The following EIF4G1 variants were observed in gnomAD, a reference collection of about 807,000 sequenced individuals.
The protein encoded by EIF4G1 is EIF4-gamma.
Under a neutral mutation model 187.8 loss-of-function variants are expected in EIF4G1, and 4 were observed. The observed-to-expected ratio is 0.02, with a 90% CI of 0.01 to 0.05. EIF4G1 has a LOEUF of 0.05. Ranked by LOEUF, EIF4G1 falls within the 10% of genes least tolerant of loss-of-function variation. The pLI is 1.00. For missense variants in EIF4G1, 1,647 were observed against 2,081.1 expected (o/e 0.79, Z 4.06); for synonymous variants, 844 against 781.4 (o/e 1.08, Z -1.34).
Position 184,323,341 on chromosome 3 carries a change from G to A in EIF4G1, c.2089-67G>A. ...GAGGGGTTTGCCCTGGAGGCGTGTA[G>A]TAGTGGTGTCACATATTGTGCTGAC... On this transcript the variant is annotated intron_variant, in intron 14 of 32. Coordinates refer to ENST00000346169, the MANE Select transcript of EIF4G1 (RefSeq NM_198241.3). The surrounding 1 kb of genome is among the most constrained non-coding windows in gnomAD (Gnocchi z 6.9). The A allele has an allele frequency of 6.2e-7, 1 of 1,612,346 alleles. No individual in the cohort carries two copies. Among genetic ancestry groups the A allele is most frequent in the Non-Finnish European group, 8.5e-7 (1 of 1,178,822 alleles).
At chr3:184,318,664 G>T (rs1024025270) in intron 6 of EIF4G1, among the ~76,000 whole-genome samples, 2 of 152,136 alleles carry the variant, frequency 1.3e-5, no homozygotes, top group South Asian at 4.1e-4. Context: ...GAATGTAGTC[G>T]CACAGTCTTG....
chr3:184,328,191 G>A (rs1725323357), intron 26 of EIF4G1, 189 bp downstream of exon 26: 13 of 658,726 alleles, frequency 2.0e-5, no homozygotes, highest in South Asian at 1.8e-4. Context: ...GAGGTTGGGA[G>A]TTCTAGACCA....
In EIF4G1 at chr3:184,328,010, C is replaced by A; in HGVS notation, c.3953+8C>A. 6.2e-7 allele frequency: 1 copy of A among 1,603,736 alleles called. No individual in the cohort carries two copies. The highest frequency in any genetic ancestry group is 1.1e-5 in the South Asian group (1 of 91,054). On this transcript the variant is annotated splice_region_variant and intron_variant, in intron 26 of 32. Transcript: ENST00000346169. ...TGCTCAGTACTACCAAGGGTATGAC[C>A]AGCTTCTCTGGGCCTCCCACTTATA...
chr3:184,325,072 G>C lies in EIF4G1; in HGVS notation c.2814G>C (p.Leu938=). The C allele has an allele frequency of 3.1e-6, 5 of 1,614,186 alleles. No individual in the cohort carries two copies. Among genetic ancestry groups the C allele is most frequent in the Non-Finnish European group, 4.2e-6 (5 of 1,180,048 alleles). Residue 938 remains leucine (L), a synonymous_variant, in exon 18 of 33, where the codon CTG becomes CTC. Coordinates refer to ENST00000346169, the MANE Select transcript of EIF4G1 (RefSeq NM_198241.3). The surrounding 1 kb of genome is among the most constrained non-coding windows in gnomAD (Gnocchi z 5.2). ...DEESLECLCR[L]LTTIGKDLDF... is the part of the protein sequence containing the mutation. Reference sequence around the variant, plus strand: ...AGTCCCTTGAGTGCCTTTGTCGTCTGCTCACCACCATTGGCAAAGACCTGG... The same window carrying C: ...AGTCCCTTGAGTGCCTTTGTCGTCTCCTCACCACCATTGGCAAAGACCTGG...
chr3:184,316,014 A>AG (rs1722713313), intron 3 of EIF4G1, 118 bp from the exon 4 acceptor site: 2 of 1,539,202 alleles, frequency 1.3e-6, no homozygotes, highest in East Asian at 4.9e-5. Flanking sequence ...TGTCACGGGG[A>AG]GGGGGTATGT....
chr3:184,319,441 G>T (rs1377541473), intron 6 of EIF4G1, among the ~76,000 whole-genome samples: 2 of 64,862 alleles, frequency 3.1e-5, no homozygotes, highest in Non-Finnish European at 5.7e-5. Context: ...GTGTGTGTGT[G>T]TGTGTGTGTG....
At chr3:184,320,338 G>T (rs570556024) in intron 7 of EIF4G1, 353 of 1,336,218 alleles carry the variant, frequency 2.6e-4, no homozygotes, top group Admixed American at 8.1e-4. Flanking sequence ...TGGGCCCCAG[G>T]GTGTGCAGCC....
chr3:184,321,063 G>T, intron 9 of EIF4G1, 70 bp downstream of exon 9: 17 of 1,571,858 alleles, frequency 1.1e-5, no homozygotes, highest in Non-Finnish European at 1.4e-5. Context: ...TGAGGTGGTG[G>T]AGTGACTTGA....
chr3:184,320,412 C>T (rs1236010734), intron 7 of EIF4G1: 6 of 1,464,036 alleles, frequency 4.1e-6, no homozygotes, highest in Non-Finnish European at 5.4e-6. Context: ...ATGTACAGGG[C>T]TGCTCTGTGA....
rs1723988542 is a variant in EIF4G1 at position 184,322,090 on chromosome 3, A to C, written c.1506A>C (p.Ala502=). ...PANLSQNLEA[A]AATQVAVSVP... ...ACTTGTCTCAGAATTTGGAGGCAGC[A>C]GCAGCCACTCAAGGTAAGGTGTGGT... The change falls in exon 10 of 33, where the codon GCA becomes GCC. Residue 502 remains alanine, a synonymous_variant. Coordinates refer to ENST00000346169, the MANE Select transcript of EIF4G1 (RefSeq NM_198241.3). 1.2e-6 allele frequency: 2 copies of C among 1,613,952 alleles called. No individual in the cohort carries two copies. The highest frequency in any genetic ancestry group is 1.7e-6 in the Non-Finnish European group (2 of 1,180,042).
In EIF4G1 at chr3:184,321,941, CAGG is replaced by C. The variant is rs1174690742; in HGVS notation, c.1365_1367del (p.Glu456del). The stretch of plus-strand genomic sequence containing the variant: ...GGCTCCTTCAGCTACTTCCCCAGCT[CAGG>C]AGGAGGAAATGGAAGAAGAAGAAGA... On this transcript the variant is annotated inframe_deletion, in exon 10 of 33. Transcript: ENST00000346169. 4 of 1,613,910 alleles carry C rather than the reference CAGG, an allele frequency of 2.5e-6. No homozygotes were observed. Among genetic ancestry groups the C allele is most frequent in the Non-Finnish European group, 3.4e-6 (4 of 1,180,020 alleles).
At chr3:184,333,346 A>C (rs1022662914) in intron 32 of EIF4G1, among the ~76,000 whole-genome samples, 5 of 152,118 alleles carry the variant, frequency 3.3e-5, no homozygotes, top group African/African-American at 1.2e-4. Context: ...AAAAGAAGAG[A>C]TCAGGGCAGG....
intron 7 of EIF4G1, 65 bp from the exon 8 acceptor site, chr3:184,320,565 T>C (rs1189777367): frequency 3.7e-6 from 6 of 1,612,944 alleles, no homozygotes; most frequent in East Asian, 4.5e-5. Flanking sequence ...AGTCTTAAGA[T>C]TGGGGCAGGG....
Position 184,334,896 on chromosome 3 carries a change from T to C in EIF4G1, c.4788T>C (p.Ser1596=). The C allele has an allele frequency of 6.2e-7, 1 of 1,614,132 alleles. No individual in the cohort carries two copies. Among genetic ancestry groups the C allele is most frequent in the South Asian group, 1.1e-5 (1 of 91,076 alleles). The change falls in exon 33 of 33, where the codon TCT becomes TCC. Residue 1596 remains serine (S), a synonymous_variant. Coordinates refer to ENST00000346169, the MANE Select transcript of EIF4G1 (RefSeq NM_198241.3). This position sits in a 1 kb window ranked among gnomAD's most constrained non-coding sequence, Gnocchi z 5.8. ...FKWLREAEEE[S]DHN ...GGCTCCGTGAAGCAGAGGAGGAGTC[T>C]GACCACAACTGAGGGCTGGTGGGGC...
Position 184,321,426 on chromosome 3 carries a change from C to A in EIF4G1, c.842C>A (p.Ala281Glu), listed in dbSNP as rs757619292. The change falls in exon 10 of 33, where the codon GCA becomes GAA. Residue 281 changes from alanine (A) to glutamate (E), a missense_variant. By Grantham distance (107) the Ala-to-Glu change is moderately radical. Transcript: ENST00000346169. ...VLEPGSEPNL[A>E]VLSIPGDTMT... ...GAACCGGGGTCTGAGCCTAATCTCGCAGTCCTCTCTATTCCTGGGGACACT... is the reference window on the plus strand; with the variant it reads ...GAACCGGGGTCTGAGCCTAATCTCGAAGTCCTCTCTATTCCTGGGGACACT... The A allele has an allele frequency of 4.3e-6, 7 of 1,614,038 alleles. No homozygotes were observed. The South Asian group carries it at 7.7e-5, about 18-fold the overall frequency.
rs1381532377 is a variant in EIF4G1, at chr3:184,323,378, C to A, written c.2089-30C>A. On this transcript the variant is annotated intron_variant, in intron 14 of 32. Transcript: ENST00000346169. This position sits in a 1 kb window ranked among gnomAD's most constrained non-coding sequence, Gnocchi z 6.9. ...CATATTGTGCTGACTAGTTCCATGT[C>A]CCCTCTTGTCTTCATCCCTTGCTTA... 3.7e-6 allele frequency: 6 copies of A among 1,613,928 alleles called. No homozygotes were observed. Among genetic ancestry groups the A allele is most frequent in the South Asian group, 3.3e-5 (3 of 91,064 alleles).
chr3:184,325,740 A>C lies in EIF4G1; in HGVS notation c.3121+101A>C. Reference sequence around the variant, plus strand: ...TTAGTGCCACGTGTCTGGGCCACTGAGACACCATGATGGAACTGAGGATCT... The same window carrying C: ...TTAGTGCCACGTGTCTGGGCCACTGCGACACCATGATGGAACTGAGGATCT... On this transcript the variant is annotated intron_variant, in intron 20 of 32. Transcript: ENST00000346169. The surrounding 1 kb of genome is among the most constrained non-coding windows in gnomAD (Gnocchi z 5.2). 1 of 1,611,002 alleles carries C rather than the reference A, an allele frequency of 6.2e-7. No individual in the cohort carries two copies. Among genetic ancestry groups the C allele is most frequent in the Non-Finnish European group, 8.5e-7 (1 of 1,177,302 alleles).
rs1473372669 is a variant in EIF4G1 at position 184,321,310 on chromosome 3, T to G, written c.726T>G (p.Ala242=). ...PDDRSQGAII[A]DRPGLPGPEH... ...ACCGGTCACAGGGAGCAATCATTGC[T>G]GACCGGCCAGGGCTGCCTGGCCCAG... Residue 242 remains alanine, a synonymous_variant, in exon 10 of 33, where the codon GCT becomes GCG. Transcript: ENST00000346169. The G allele has an allele frequency of 6.2e-7, 1 of 1,614,182 alleles. No individual in the cohort carries two copies. Among genetic ancestry groups the G allele is most frequent in the Non-Finnish European group, 8.5e-7 (1 of 1,180,036 alleles).
Position 184,322,648 on chromosome 3 carries a change from T to C in EIF4G1, c.1713T>C (p.Asp571=). The C allele has an allele frequency of 6.2e-7, 1 of 1,614,186 alleles. No individual in the cohort carries two copies. The highest frequency in any genetic ancestry group is 8.5e-7 in the Non-Finnish European group (1 of 1,180,044). Residue 571 remains aspartate, a synonymous_variant, in exon 12 of 33, where the codon GAT becomes GAC. Transcript: ENST00000346169. ...TGCCCCCACGTCCTGAGGAAGCAGA[T>C]GAGACCTGGGACTCAAAGGAAGACA... ...SGVPPRPEEA[D]ETWDSKEDKI...
Sources: allele counts gnomAD v4.1 joint callset (sites outside exome capture counted in the v4.1 genomes callset), GRCh38; gene constraint gnomAD v4.1.1; non-coding constraint Gnocchi (gnomAD v3.1); transcripts MANE v1.5; gene names NCBI Gene and HGNC (gene_info 2026-07-23, HGNC 2026-07-21).